The following KIF1B variants were observed in gnomAD, a reference collection of about 807,000 sequenced individuals.
KIF1B encodes the protein kinesin family member 1B, also known as kinesin-like protein KIF1B.
KIF1B carries 76 observed loss-of-function variants against 241.9 expected under a neutral mutation model. The observed-to-expected ratio is 0.31, with a 90% CI of 0.26 to 0.38. The LOEUF (loss-of-function observed/expected upper bound fraction) is 0.38. KIF1B is among the 10% of genes least tolerant of loss of function. The pLI is 1.00. For synonymous variants in KIF1B, 750 were observed against 796.7 expected, an observed-to-expected ratio of 0.94 and a Z score of 0.99; for missense variants, 1,622 against 2,271.4, an observed-to-expected ratio of 0.71 and a Z score of 5.81.
At chr1:10,274,732 G>A (rs915701323) in intron 10 of KIF1B, among the ~76,000 whole-genome samples, 2 of 143,966 alleles carry the variant, frequency 1.4e-5, no homozygotes, top group African/African-American at 5.1e-5. Context: ...TGGGGTATTT[G>A]ATGATGTTAG....
chr1:10,232,958 CTTAAG>C (rs1328158004), intron 2 of KIF1B, among the ~76,000 whole-genome samples: 2 of 152,116 alleles, frequency 1.3e-5, no homozygotes, highest in South Asian at 2.1e-4. Flanking sequence ...TGAAAAATGA[CTTAAG>C]TTGTTTCTTT....
Position 10,365,246 on chromosome 1 carries a change from G to T in KIF1B, c.4512+1G>T. ...GGAGAAGCTGGAGCTCCTACATGAG[G>T]TATCCAGGGGCAGGGTTGTTCAGAT... is the stretch of plus-strand genomic sequence containing the variant. On this transcript the variant is annotated splice_donor_variant, in intron 42 of 48. Coordinates refer to ENST00000676179, the MANE Select transcript of KIF1B (RefSeq NM_001365951.3). LOFTEE classifies it high-confidence loss of function. The surrounding 1 kb of genome is among the most constrained non-coding windows in gnomAD (Gnocchi z 4.0). 6.2e-7 allele frequency: 1 copy of T among 1,613,952 alleles called. No individual in the cohort carries two copies. Among genetic ancestry groups the T allele is most frequent in the Non-Finnish European group, 8.5e-7 (1 of 1,179,954 alleles).
chr1:10,346,061 T>A, intron 35 of KIF1B, 108 bp downstream of exon 35: 1 of 788,634 alleles, frequency 1.3e-6, no homozygotes, highest in South Asian at 1.5e-5. Context: ...CACTGTCAAA[T>A]TCCAGGGATG....
At chr1:10,359,008 G>C (rs1168633966) in intron 38 of KIF1B, among the ~76,000 whole-genome samples, 1 of 152,160 alleles carries the variant, frequency 6.6e-6, no homozygotes, top group Non-Finnish European at 1.5e-5. Context: ...TCAAAGACTA[G>C]ACATTTGAGA....
At chr1:10,267,593 T>C in intron 6 of KIF1B, 35 bp downstream of exon 6, 1 of 1,607,030 alleles carries the variant, frequency 6.2e-7, no homozygotes, top group Non-Finnish European at 8.5e-7. Context: ...CTGAGGTCTT[T>C]GGCACCTTTT....
At chr1:10,343,102 G>C (rs1397739483) in intron 33 of KIF1B, 130 bp from the exon 34 acceptor site, 1 of 898,986 alleles carries the variant, frequency 1.1e-6, no homozygotes, top group East Asian at 2.6e-5. Context: ...GAACTTTTAC[G>C]TACATTCTCA....
At chr1:10,367,063 C>T (rs1366999511) in intron 43 of KIF1B, among the ~76,000 whole-genome samples, 1 of 152,034 alleles carries the variant, frequency 6.6e-6, no homozygotes, top group African/African-American at 2.4e-5. Flanking sequence ...ATCTTTATTA[C>T]AGTAATCTGA....
Position 10,379,993 on chromosome 1 carries a change from T to G in KIF1B, c.*3406T>G, listed in dbSNP as rs1394236828. Reference sequence around the variant, plus strand: ...TTTCCCAACTAAGAAACCACTATTATATATTTTTTCCCTTCAGTCACATAG... The same window carrying G: ...TTTCCCAACTAAGAAACCACTATTAGATATTTTTTCCCTTCAGTCACATAG... On this transcript the variant is annotated 3_prime_UTR_variant, in exon 49 of 49. Transcript: ENST00000676179. 8.7e-6 allele frequency: 2 copies of G among 229,426 alleles called. No homozygotes were observed. Among genetic ancestry groups the G allele is most frequent in the Non-Finnish European group, 8.7e-6 (1 of 115,422 alleles). 14.2% of individuals were successfully genotyped at this position (229,426 alleles called of 1,614,324 possible).
In KIF1B at chr1:10,282,965, G is replaced by A. The variant is rs372210193; in HGVS notation, c.1434+432G>A. Among the ~76,000 whole-genome samples the A allele has an allele frequency of 9.9e-5, 15 of 152,274 alleles. 1 individual carries two copies. In the South Asian group the frequency reaches 3.1e-3, roughly 32 times the overall value. ...CTCACGCCTGTAATCCCAGCACTTT[G>A]GGAGGCCGAGGCGGGGTGGATCACG... On this transcript the variant is annotated intron_variant, in intron 15 of 48. Transcript: ENST00000676179.
Position 10,232,241 on chromosome 1 carries a change from T to C in KIF1B, c.-79-9T>C. 9.6e-7 allele frequency: 1 copy of C among 1,037,824 alleles called. No homozygotes were observed. The highest frequency in any genetic ancestry group is 1.5e-6 in the Non-Finnish European group (1 of 687,516). 64.3% of individuals were successfully genotyped at this position (1,037,824 alleles called of 1,614,324 possible). ...GACTACCTCATATGGAATTTTTTTC[T>C]TTTCAAAGGAAACTTGGCTGTAACT... is the stretch of plus-strand genomic sequence containing the variant. On this transcript the variant is annotated splice_polypyrimidine_tract_variant and intron_variant, in intron 1 of 48. Transcript: ENST00000676179.
At chr1:10,375,094 C>G (rs1286117699) in intron 47 of KIF1B, 48 bp downstream of exon 47, 2 of 1,590,222 alleles carry the variant, frequency 1.3e-6, no homozygotes, top group African/African-American at 1.3e-5. Flanking sequence ...GTGCCCTTCT[C>G]TTTTGATTTC....
At chr1:10,361,153 C>T in intron 39 of KIF1B, 110 bp downstream of exon 39, 3 of 764,734 alleles carry the variant, frequency 3.9e-6, no homozygotes, top group South Asian at 1.4e-5. Context: ...CTCTTTCTTC[C>T]TCCACATCCT....
intron 7 of KIF1B, among the ~76,000 whole-genome samples, chr1:10,271,193 AT>A (rs1336494100): frequency 6.7e-6 from 1 of 150,176 alleles, no homozygotes; most frequent in Non-Finnish European, 1.5e-5. Flanking sequence ...ATTAAAAAAA[AT>A]TTTTTTTTAG....
At chr1:10,369,818 G>C (rs1638677031) in intron 44 of KIF1B, among the ~76,000 whole-genome samples, 2 of 152,138 alleles carry the variant, frequency 1.3e-5, no homozygotes, top group African/African-American at 4.8e-5. Context: ...TGTAATACCA[G>C]CTACTCAGGA....
intron 5 of KIF1B, among the ~76,000 whole-genome samples, chr1:10,263,987 G>T (rs1648303563): frequency 6.6e-6 from 1 of 152,106 alleles, no homozygotes; most frequent in South Asian, 2.1e-4. Flanking sequence ...TGCCTGAAAT[G>T]TTGTTCACTT....
chr1:10,269,694 G>A (rs918399355), intron 7 of KIF1B, among the ~76,000 whole-genome samples: 5 of 149,384 alleles, frequency 3.3e-5, no homozygotes, highest in Non-Finnish European at 7.4e-5. Flanking sequence ...GGTGTGTGCC[G>A]GTAATCCTAG....
chr1:10,250,659 T>C (rs1315125839), intron 2 of KIF1B, among the ~76,000 whole-genome samples: 1 of 152,064 alleles, frequency 6.6e-6, no homozygotes, highest in African/African-American at 2.4e-5. Context: ...GCCCCATCTC[T>C]GCAAAAAAAA....
At position 10,378,508 on chromosome 1, in the gene KIF1B, C is replaced by G. The variant is rs568064865; in HGVS notation, c.*1921C>G. On this transcript the variant is annotated 3_prime_UTR_variant, in exon 49 of 49. Transcript: ENST00000676179. ...CATCCTTTACTTCCCTTGCTCAGAC[C>G]TCTCTGTTTCACCATTGCTCAGGCA... 1 of 709,434 alleles carries G rather than the reference C, an allele frequency of 1.4e-6. No individual in the cohort carries two copies. Among genetic ancestry groups the G allele is most frequent in the Non-Finnish European group, 2.6e-6 (1 of 381,250 alleles). 43.9% of individuals were successfully genotyped at this position (709,434 alleles called of 1,614,324 possible).
chr1:10,254,642 C>T lies in KIF1B; in HGVS notation c.107-1605C>T, dbSNP rs185791033. On this transcript the variant is annotated intron_variant, in intron 2 of 48. Coordinates refer to ENST00000676179, the MANE Select transcript of KIF1B (RefSeq NM_001365951.3). ...TTGTAATCCCAGCACTTTGGGAGGCCGAGGCGGGTGGATCACAAGGTCAGG... is the reference window on the plus strand; with the variant it reads ...TTGTAATCCCAGCACTTTGGGAGGCTGAGGCGGGTGGATCACAAGGTCAGG... Among the ~76,000 whole-genome samples the T allele has an allele frequency of 7.9e-5, 12 of 151,836 alleles. No homozygotes were observed. In the East Asian group the frequency reaches 1.6e-3, roughly 20 times the overall value.
Sources: gnomAD v4.1 joint callset for allele counts (sites outside exome capture counted in the v4.1 genomes callset) on GRCh38, gnomAD v4.1.1 for gene constraint, Gnocchi (gnomAD v3.1) non-coding constraint, MANE v1.5 for transcripts, NCBI Gene and HGNC (gene_info 2026-07-23, HGNC 2026-07-21) for gene names.